Variants in HERC2 observed in about 807,000 individuals in gnomAD.
The protein encoded by HERC2 is HECT and RLD domain containing E3 ubiquitin protein ligase 2.
A neutral mutation model predicts 537.7 loss-of-function variants in HERC2; 102 were observed. That is an observed-to-expected ratio of 0.19 (90% CI 0.16 to 0.22). HERC2 has a LOEUF of 0.22. Ranked by LOEUF, HERC2 falls within the 10% of genes least tolerant of loss-of-function variation. The probability of loss-of-function intolerance (pLI) is 1.00; values close to 1 mark genes in which losing one functional copy is unlikely to be tolerated. For synonymous variants in HERC2, 2,224 were observed against 2,466.2 expected, an observed-to-expected ratio of 0.90 and a Z score of 2.91; for missense variants, 4,236 against 6,198.2, an observed-to-expected ratio of 0.68 and a Z score of 10.63.
In HERC2 at chr15:28,272,306, T is replaced by A. The variant is rs1475783661; in HGVS notation, c.992A>T (p.Gln331Leu). The change falls in exon 9 of 93, where the codon CAG (glutamine) becomes CTG (leucine). Residue 331 changes from glutamine to leucine, a missense_variant. This residue lies in a region of HERC2 where 491 missense variants were observed against 559.3 expected (regional missense o/e 0.88). Coordinates refer to ENST00000261609, the MANE Select transcript of HERC2 (RefSeq NM_004667.6). ...AQETDNERSA[Q>L]GTSAPLLPLL... ...GGGCAAAAGTGGGGCGCTGGTGCCC[T>A]GGGCGGAACGCTCATTGTCAGTCTC... 5 of 1,612,238 alleles carry A rather than the reference T, an allele frequency of 3.1e-6. No individual in the cohort carries two copies. The highest frequency in any genetic ancestry group is 4.2e-6 in the Non-Finnish European group (5 of 1,179,202).
At chr15:28,314,429 C>A (rs1404932597) in intron 2 of HERC2, among the ~76,000 whole-genome samples, 2 of 152,178 alleles carry the variant, frequency 1.3e-5, no homozygotes, top group African/African-American at 4.8e-5. Context: ...TATGACTTCA[C>A]AGTCAGCTAA....
intron 44 of HERC2, among the ~76,000 whole-genome samples, chr15:28,206,926 G>A (rs1898536087): frequency 6.7e-6 from 1 of 149,648 alleles, no homozygotes; most frequent in Non-Finnish European, 1.5e-5. Flanking sequence ...CAGGAGAATT[G>A]CTTGAACCAG....
At chr15:28,188,804 C>T (rs896964194) in intron 55 of HERC2, among the ~76,000 whole-genome samples, 2 of 151,906 alleles carry the variant, frequency 1.3e-5, no homozygotes, top group African/African-American at 4.8e-5. Flanking sequence ...AGAAAAAACC[C>T]GGCTGGGTGC....
chr15:28,140,067 CAA>C (rs879713576), intron 78 of HERC2, among the ~76,000 whole-genome samples: 3 of 114,778 alleles, frequency 2.6e-5, no homozygotes, highest in African/African-American at 3.2e-5. Context: ...GACTCTGTCT[CAA>C]AAAAAAAAAA....
At chr15:28,281,033 T>A (rs1184472755) in intron 4 of HERC2, among the ~76,000 whole-genome samples, 1 of 152,090 alleles carries the variant, frequency 6.6e-6, no homozygotes, top group Non-Finnish European at 1.5e-5. Context: ...CCAAATTCAA[T>A]ATAAAAACGA....
chr15:28,199,384 A>C (rs1897677852), intron 48 of HERC2, among the ~76,000 whole-genome samples: 1 of 152,200 alleles, frequency 6.6e-6, no homozygotes, highest in African/African-American at 2.4e-5. Context: ...ACACCCTAAA[A>C]GCCAATGGAT....
intron 4 of HERC2, among the ~76,000 whole-genome samples, chr15:28,284,138 C>T (rs1463284422): frequency 6.6e-6 from 1 of 151,930 alleles, no homozygotes; most frequent in Non-Finnish European, 1.5e-5. Context: ...TGCTGGAGTG[C>T]CAAAAAGTTT....
At chr15:28,253,844 C>A (rs1399221637) in intron 20 of HERC2, among the ~76,000 whole-genome samples, 2 of 151,944 alleles carry the variant, frequency 1.3e-5, no homozygotes, top group Non-Finnish European at 2.9e-5. Context: ...CGCCTGTAGT[C>A]CCAGCTACTT....
rs1330772815 is a variant in HERC2, at chr15:28,190,867, C to T, written c.8649+98G>A. 39 of 771,934 alleles carry T rather than the reference C, an allele frequency of 5.1e-5. 2 individuals are homozygous for T. The highest frequency in any genetic ancestry group is 4.6e-4 in the Middle Eastern group (2 of 4,324). The allele number at this position is 771,934 out of a possible 1,614,324, so 47.8% of individuals were successfully genotyped here. A position where few individuals can be genotyped will look rare whatever the true frequency, so the allele number is the denominator to read the frequency against. ...AAACAGAAAGAACCAATTATTTAAA[C>T]GGGGAAAAACTGGGCTCAATGCTAG... On this transcript the variant is annotated intron_variant, in intron 55 of 92. Transcript: ENST00000261609.
At chr15:28,313,209 T>TCC (rs1472230702) in intron 2 of HERC2, among the ~76,000 whole-genome samples, 1 of 143,186 alleles carries the variant, frequency 7.0e-6, no homozygotes, top group African/African-American at 2.7e-5. Flanking sequence ...TTTTTTTTTT[T>TCC]TTGAGACAGA....
chr15:28,255,726 G>T, intron 19 of HERC2, 146 bp downstream of exon 19: 1 of 841,420 alleles, frequency 1.2e-6, no homozygotes, highest in Non-Finnish European at 1.8e-6. Flanking sequence ...TTTGTAAATT[G>T]GCACATAAAA....
intron 7 of HERC2, among the ~76,000 whole-genome samples, chr15:28,273,698 T>G (rs142954693): frequency 2.5e-4 from 38 of 152,324 alleles, no homozygotes; most frequent in African/African-American, 8.7e-4. Flanking sequence ...GGCACAGTGC[T>G]GACCTCTGCA....
At chr15:28,279,962 A>G in intron 5 of HERC2, 106 bp downstream of exon 5, 1 of 811,428 alleles carries the variant, frequency 1.2e-6, no homozygotes, top group Non-Finnish European at 2.0e-6. Context: ...AATAAATTTC[A>G]GAAGGTGAAG....
At chr15:28,126,180 CTT>C (rs1416872780) in intron 83 of HERC2, among the ~76,000 whole-genome samples, 1 of 152,142 alleles carries the variant, frequency 6.6e-6, no homozygotes, top group Non-Finnish European at 1.5e-5. Flanking sequence ...AAAGGGAACA[CTT>C]ATACTGCTGG....
In HERC2 at chr15:28,283,414, C is replaced by T. The variant is rs114414918; in HGVS notation, c.323-3127G>A. ...CTGAAAGTACAAAATATTTTTTAAA[C>T]AATGAAAAGAACCATTAACCCAGAA... On this transcript the variant is annotated intron_variant, in intron 4 of 92. Coordinates refer to ENST00000261609, the MANE Select transcript of HERC2 (RefSeq NM_004667.6). 4.1e-3 allele frequency among the ~76,000 whole-genome samples: 618 copies of T among 152,258 alleles called. 1 individual carries two copies. The highest frequency in any genetic ancestry group is 0.014 in the African/African-American group (595 of 41,542).
intron 3 of HERC2, among the ~76,000 whole-genome samples, chr15:28,296,338 G>A (rs896483569): frequency 5.9e-5 from 9 of 152,102 alleles, no homozygotes; most frequent in African/African-American, 2.2e-4. Flanking sequence ...GCTGGGCATG[G>A]TGGAGGGTGC....
intron 86 of HERC2, among the ~76,000 whole-genome samples, chr15:28,119,251 T>C (rs1256421615): frequency 6.6e-6 from 1 of 151,634 alleles, no homozygotes; most frequent in African/African-American, 2.4e-5. Flanking sequence ...AAAAAAAAAA[T>C]TAGCCTGGCA....
chr15:28,284,051 C>T (rs1052704956), intron 4 of HERC2, among the ~76,000 whole-genome samples: 1 of 152,114 alleles, frequency 6.6e-6, no homozygotes, highest in Non-Finnish European at 1.5e-5. Context: ...TTTTATACAG[C>T]ATGCTTAATA....
intron 69 of HERC2, among the ~76,000 whole-genome samples, chr15:28,154,292 A>G (rs188700387): frequency 1.3e-5 from 2 of 152,314 alleles, no homozygotes; most frequent in East Asian, 3.9e-4. Flanking sequence ...TAAATATTAT[A>G]TATTAACAAA....
Sources: allele counts gnomAD v4.1 joint callset (sites outside exome capture counted in the v4.1 genomes callset), GRCh38; gene constraint gnomAD v4.1.1; regional missense constraint gnomAD v4.1.1; transcripts MANE v1.5; gene names NCBI Gene and HGNC (gene_info 2026-07-23, HGNC 2026-07-21).